The following NCALD variants were observed in gnomAD, a reference collection of about 807,000 sequenced individuals.
The protein encoded by NCALD is neurocalcin delta.
Under a neutral mutation model 18.6 loss-of-function variants are expected in NCALD, and 10 were observed. That is an observed-to-expected ratio of 0.54 (90% CI 0.33 to 0.91). NCALD has a LOEUF of 0.91. Ranked by LOEUF, NCALD falls within the 40% of genes least tolerant of loss-of-function variation. The pLI is 0.03. For missense variants in NCALD, 184 were observed against 247.6 expected (o/e 0.74, Z 1.72); for synonymous variants, 88 against 87.4 (o/e 1.01, Z -0.04).
intron 1 of NCALD, among the ~76,000 whole-genome samples, chr8:101,747,209 G>C (rs554552585): frequency 2.0e-5 from 3 of 152,144 alleles, no homozygotes; most frequent in African/African-American, 7.2e-5. Flanking sequence ...CCTTCCCACT[G>C]TGACACAGGC....
At chr8:101,711,372 A>G (rs569824623) in intron 2 of NCALD, among the ~76,000 whole-genome samples, 1 of 152,242 alleles carries the variant, frequency 6.6e-6, no homozygotes, top group East Asian at 1.9e-4. Flanking sequence ...CCTTCAATGG[A>G]TCACAACCCC....
intron 4 of NCALD, among the ~76,000 whole-genome samples, chr8:101,829,859 A>G (rs1814095676): frequency 6.6e-6 from 1 of 152,060 alleles, no homozygotes; most frequent in Admixed American, 6.6e-5. Context: ...CTATTCCAAC[A>G]GTATTATGTG....
chr8:101,711,365 T>C (rs114196286), intron 2 of NCALD, among the ~76,000 whole-genome samples: 3,915 of 152,006 alleles, frequency 0.026, 130 homozygotes, highest in African/African-American at 0.078. Flanking sequence ...CTCTTATCCT[T>C]CAATGGATCA....
At chr8:101,887,220 C>T (rs550925841) in exon 4 of NCALD, 1 of 152,098 alleles carries the variant, frequency 6.6e-6, no homozygotes, top group Non-Finnish European at 1.5e-5. Context: ...AGATCAGATG[C>T]CTTGCAACTG....
intron 2 of NCALD, among the ~76,000 whole-genome samples, chr8:101,958,691 G>C (rs183699774): frequency 6.6e-6 from 1 of 152,070 alleles, no homozygotes; most frequent in Non-Finnish European, 1.5e-5. Flanking sequence ...TGAGGACAAG[G>C]AGGCTAAATA....
chr8:102,000,969 C>G (rs533117782), intron 2 of NCALD, among the ~76,000 whole-genome samples: 1 of 152,352 alleles, frequency 6.6e-6, no homozygotes, highest in South Asian at 2.1e-4. Context: ...ATCAGAGTGC[C>G]TCTCCTCCTC....
At position 101,721,990 on chromosome 8, in the gene NCALD, TACC is replaced by T. The variant is rs1159173532; in HGVS notation, c.-19-2345_-19-2343del. ...CCAAATAGCTGGTATTACAGGTGTGTACCACCATGCCTGGCTAAATTTTTTATT... is the reference window on the plus strand; with the variant it reads ...CCAAATAGCTGGTATTACAGGTGTGTACCATGCCTGGCTAAATTTTTTATT... On this transcript the variant is annotated intron_variant, in intron 1 of 3. Transcript: ENST00000220931. 7.9e-5 allele frequency among the ~76,000 whole-genome samples: 12 copies of T among 152,182 alleles called. No homozygotes were observed. In the East Asian group the frequency reaches 2.1e-3, roughly 27 times the overall value.
intron 4 of NCALD, among the ~76,000 whole-genome samples, chr8:101,826,209 A>G (rs985373529): frequency 6.6e-6 from 1 of 152,262 alleles, no homozygotes; most frequent in African/African-American, 2.4e-5. Context: ...GAACAGCTTC[A>G]TAGTCCACCT....
At chr8:102,088,261 T>C (rs1006602322) in intron 1 of NCALD, among the ~76,000 whole-genome samples, 2 of 152,146 alleles carry the variant, frequency 1.3e-5, no homozygotes, top group African/African-American at 4.8e-5. Flanking sequence ...AGGGAGTGAG[T>C]TATTCCTGAT....
intron 4 of NCALD, among the ~76,000 whole-genome samples, chr8:101,805,888 G>C (rs1813083445): frequency 6.6e-6 from 1 of 152,150 alleles, no homozygotes; most frequent in Non-Finnish European, 1.5e-5. Context: ...AACTTCACTG[G>C]ATGAATTTAA....
intron 3 of NCALD, among the ~76,000 whole-genome samples, chr8:101,892,249 G>A (rs948919030): frequency 6.8e-5 from 10 of 147,168 alleles, no homozygotes; most frequent in Non-Finnish European, 1.3e-4. Context: ...CCAAGCAGGG[G>A]CACACTGACA....
intron 2 of NCALD, among the ~76,000 whole-genome samples, chr8:101,918,960 C>T (rs1450253481): frequency 1.3e-5 from 2 of 152,114 alleles, no homozygotes; most frequent in East Asian, 1.9e-4. Flanking sequence ...CGATGCTATT[C>T]CTATCAAACT....
chr8:101,872,265 C>T, intron 4 of NCALD: 1 of 1,401,856 alleles, frequency 7.1e-7, no homozygotes, highest in Non-Finnish European at 1.0e-6. Context: ...CTGAAATCTC[C>T]AAAACTTCTC....
chr8:101,957,289 GTTTTTTTT>G lies in NCALD; in HGVS notation c.-156-41439_-156-41432del, dbSNP rs11305701. On this transcript the variant is annotated intron_variant, in intron 2 of 6. Coordinates refer to the NCALD transcript ENST00000311028. ...ATGGGTAGTAAAAAGAAAAGTTGGG[GTTTTTTTT>G]TTTTTTTTTTTTTTTTTAGCACAAA... 1.9e-3 allele frequency among the ~76,000 whole-genome samples: 191 copies of G among 99,504 alleles called. 1 individual carries two copies. Among genetic ancestry groups the G allele is most frequent in the Admixed American group, 0.017 (145 of 8,560 alleles). The allele number at this position is 99,504 out of a possible 152,430, so 65.3% of individuals were successfully genotyped here. A position where few individuals can be genotyped will look rare whatever the true frequency, so the allele number is the denominator to read the frequency against.
At chr8:101,969,876 A>G (rs1356199151) in intron 2 of NCALD, among the ~76,000 whole-genome samples, 2 of 152,226 alleles carry the variant, frequency 1.3e-5, no homozygotes, top group African/African-American at 4.8e-5. Context: ...CCAAGCTCTT[A>G]GATTGATTTC....
chr8:101,872,483 T>C (rs889814371), intron 4 of NCALD: 1 of 836,566 alleles, frequency 1.2e-6, no homozygotes, highest in African/African-American at 1.7e-5. Context: ...ATACTTTCCT[T>C]GGTGGGTAAG....
At chr8:102,054,790 CTCTA>C (rs751793228) in intron 1 of NCALD, among the ~76,000 whole-genome samples, 19 of 151,796 alleles carry the variant, frequency 1.3e-4, no homozygotes, top group African/African-American at 3.6e-4. Context: ...GATAGATAAG[CTCTA>C]TCTTTTTCTC....
At chr8:101,882,402 G>A (rs1816523527) in intron 4 of NCALD, among the ~76,000 whole-genome samples, 1 of 152,060 alleles carries the variant, frequency 6.6e-6, no homozygotes, top group Non-Finnish European at 1.5e-5. Flanking sequence ...TCCACCATAG[G>A]AGGATACAGC....
chr8:101,912,478 A>T lies in NCALD; in HGVS notation c.-107+3331T>A, dbSNP rs184929579. Among the ~76,000 whole-genome samples, 143 of 152,038 alleles carry T rather than the reference A, an allele frequency of 9.4e-4. 1 individual carries two copies. The highest frequency in any genetic ancestry group is 3.1e-3 in the African/African-American group (130 of 41,494). On this transcript the variant is annotated intron_variant, in intron 3 of 6. Coordinates refer to the NCALD transcript ENST00000311028. ...AGCAGTCTCCAAATCTTTTTCTCTG[A>T]CTCCTCCATCTTCAGATAATCCTAA...
Sources: allele counts gnomAD v4.1 joint callset (sites outside exome capture counted in the v4.1 genomes callset), GRCh38; gene constraint gnomAD v4.1.1; transcripts MANE v1.5; gene names NCBI Gene and HGNC (gene_info 2026-07-23, HGNC 2026-07-21).